POM121L12: variants seen among roughly 807,000 people sequenced by gnomAD.
The protein encoded by POM121L12 is POM121-like protein 12.
For synonymous variants in POM121L12, 251 were observed against 179.2 expected, an observed-to-expected ratio of 1.40 and a Z score of -3.20; for missense variants, 553 against 409.2, an observed-to-expected ratio of 1.35 and a Z score of -3.03.
Position 53,035,864 on chromosome 7 carries a change from T to G in POM121L12, c.193T>G (p.Tyr65Asp). The G allele has an allele frequency of 6.2e-7, 1 of 1,613,450 alleles. No individual in the cohort carries two copies. Among genetic ancestry groups the G allele is most frequent in the Non-Finnish European group, 8.5e-7 (1 of 1,179,796 alleles). ...LRSLTQSHIQYFQWGRPVPST... is the reference protein window; with the variant it reads ...LRSLTQSHIQDFQWGRPVPST... ...GTCCCTGACTCAGAGCCATATTCAG[T>G]ACTTCCAGTGGGGGCGCCCGGTGCC... The change falls in exon 1 of 1, where the codon TAC (tyrosine) becomes GAC (aspartate). Residue 65 changes from tyrosine (Y) to aspartate (D), a missense_variant. Coordinates refer to ENST00000408890, the MANE Select transcript of POM121L12 (RefSeq NM_182595.4).
In POM121L12 at chr7:53,036,349, T is replaced by C. The variant is rs1295809351; in HGVS notation, c.678T>C (p.Val226=). Residue 226 remains valine, a synonymous_variant, in exon 1 of 1, where the codon GTT becomes GTC. Coordinates refer to ENST00000408890, the MANE Select transcript of POM121L12 (RefSeq NM_182595.4). The part of the protein sequence containing the change: ...AFKPLSKNGA[V]ASFVPRPGPL... ...AGCCCCTGAGCAAAAATGGAGCGGT[T>C]GCTTCCTTCGTGCCCAGGCCAGGGC... 1 of 1,613,816 alleles carries C rather than the reference T, an allele frequency of 6.2e-7. No homozygotes were observed.
chr7:53,036,813 G>A lies in POM121L12; in HGVS notation c.*251G>A. On this transcript the variant is annotated 3_prime_UTR_variant, in exon 1 of 1. Coordinates refer to ENST00000408890, the MANE Select transcript of POM121L12 (RefSeq NM_182595.4). ...CTGCCCTTCTTCCTGCCCTTCCTCT[G>A]AAAAGAGGCATTTCGGGAAGGCTTG... is the stretch of plus-strand genomic sequence containing the variant. 1 of 473,872 alleles carries A rather than the reference G, an allele frequency of 2.1e-6. No homozygotes were observed. The highest frequency in any genetic ancestry group is 3.8e-6 in the Non-Finnish European group (1 of 261,208). The allele number at this position is 473,872 out of a possible 1,614,324, so 29.4% of individuals were successfully genotyped here. A position where few individuals can be genotyped will look rare whatever the true frequency, so the allele number is the denominator to read the frequency against.
Position 53,035,894 on chromosome 7 carries a change from A to G in POM121L12, c.223A>G (p.Thr75Ala), listed in dbSNP as rs1787539162. ...YFQWGRPVPS[T>A]HLIEVRPTQD... ...CCAGTGGGGGCGCCCGGTGCCCAGC[A>G]CCCACCTCATCGAGGTGCGGCCCAC... The change falls in exon 1 of 1, where the codon ACC (threonine) becomes GCC (alanine). Residue 75 changes from threonine (T) to alanine (A), a missense_variant. Physicochemically the swap from Thr to Ala is moderately conservative, Grantham distance 58. Coordinates refer to ENST00000408890, the MANE Select transcript of POM121L12 (RefSeq NM_182595.4). The G allele has an allele frequency of 6.2e-7, 1 of 1,612,910 alleles. No homozygotes were observed. The highest frequency in any genetic ancestry group is 8.5e-7 in the Non-Finnish European group (1 of 1,179,762).
At position 53,036,741 on chromosome 7, in the gene POM121L12, C is replaced by A. The variant is rs1024573707; in HGVS notation, c.*179C>A. 2 of 661,746 alleles carry A rather than the reference C, an allele frequency of 3.0e-6. No homozygotes were observed. Among genetic ancestry groups the A allele is most frequent in the Non-Finnish European group, 2.6e-6 (1 of 390,042 alleles). The allele number at this position is 661,746 out of a possible 1,614,324, so 41.0% of individuals were successfully genotyped here. A position where few individuals can be genotyped will look rare whatever the true frequency, so the allele number is the denominator to read the frequency against. The stretch of plus-strand genomic sequence containing the variant: ...TCTGTGCTCCCTGCCACCCCAGCAG[C>A]TGTTGATTTCAGAACCCTTGCCTTC... On this transcript the variant is annotated 3_prime_UTR_variant, in exon 1 of 1. Transcript: ENST00000408890.
At position 53,035,759 on chromosome 7, in the gene POM121L12, G is replaced by A; in HGVS notation, c.88G>A (p.Ala30Thr). The change falls in exon 1 of 1, where the codon GCG (alanine) becomes ACG (threonine). Residue 30 changes from alanine (A) to threonine (T), a missense_variant. Ala to Thr is a moderately conservative substitution (Grantham distance 58). Transcript: ENST00000408890. ...EPLLQGPDAL[A>T]APMSRSPSTP... ...CCTGCTGCAAGGCCCCGACGCCCTG[G>A]CGGCTCCCATGAGCAGGTCACCCAG... 1 of 1,613,716 alleles carries A rather than the reference G, an allele frequency of 6.2e-7. No homozygotes were observed. Among genetic ancestry groups the A allele is most frequent in the South Asian group, 1.1e-5 (1 of 91,076 alleles).
In POM121L12 at chr7:53,036,009, C is replaced by A. The variant is rs267601543; in HGVS notation, c.338C>A (p.Ser113Tyr). 1 of 1,613,174 alleles carries A rather than the reference C, an allele frequency of 6.2e-7. No individual in the cohort carries two copies. Among genetic ancestry groups the A allele is most frequent in the South Asian group, 1.1e-5 (1 of 91,086 alleles). Residue 113 changes from serine (S) to tyrosine (Y), a missense_variant, in exon 1 of 1, where the codon TCC (serine) becomes TAC (tyrosine). Ser to Tyr is a moderately radical substitution (Grantham distance 144). Coordinates refer to ENST00000408890, the MANE Select transcript of POM121L12 (RefSeq NM_182595.4). ...PGETALGRDL[S>Y]CAWEGCMKGG... ...GAGACCGCTCTGGGGCGAGACCTCT[C>A]CTGTGCCTGGGAGGGTTGCATGAAA...
Position 53,035,647 on chromosome 7 carries a change from C to A in POM121L12, c.-25C>A. 3.3e-6 allele frequency: 5 copies of A among 1,526,792 alleles called. No individual in the cohort carries two copies. The highest frequency in any genetic ancestry group is 4.4e-6 in the Non-Finnish European group (5 of 1,135,116). 94.6% of individuals were successfully genotyped at this position (1,526,792 alleles called of 1,614,324 possible). A position where few individuals can be genotyped will look rare whatever the true frequency, so the allele number is the denominator to read the frequency against. ...CCATGTCCTTCGTGCCTTCCAAGCG[C>A]CCAGAGGCCAACGGTCCCCCAGCCA... On this transcript the variant is annotated 5_prime_UTR_variant, in exon 1 of 1. Transcript: ENST00000408890.
Position 53,036,634 on chromosome 7 carries a change from C to T in POM121L12, c.*72C>T. ...CTACTTTCACTTGCTCATCCTTGCTCTACCTCAACGTGGGGCCCTGACACC... is the reference window on the plus strand; with the variant it reads ...CTACTTTCACTTGCTCATCCTTGCTTTACCTCAACGTGGGGCCCTGACACC... On this transcript the variant is annotated 3_prime_UTR_variant, in exon 1 of 1. Transcript: ENST00000408890. The T allele has an allele frequency of 6.7e-7, 1 of 1,498,534 alleles. No homozygotes were observed. The highest frequency in any genetic ancestry group is 1.3e-5 in the South Asian group (1 of 76,604). The allele number at this position is 1,498,534 out of a possible 1,614,324, so 92.8% of individuals were successfully genotyped here.
In POM121L12 at chr7:53,036,786, CCCTGCCCTTCTT is replaced by C. The variant is rs1443139781; in HGVS notation, c.*235_*246del. On this transcript the variant is annotated 3_prime_UTR_variant, in exon 1 of 1. Transcript: ENST00000408890. Reference sequence around the variant, plus strand: ...GCCTTCGCCCTGCTGGCCCTCTCCTCCCTGCCCTTCTTCCTGCCCTTCCTCTGAAAAGAGGCA... The same window carrying C: ...GCCTTCGCCCTGCTGGCCCTCTCCTCCCTGCCCTTCCTCTGAAAAGAGGCA... 4 of 522,524 alleles carry C rather than the reference CCCTGCCCTTCTT, an allele frequency of 7.7e-6. No homozygotes were observed. Among genetic ancestry groups the C allele is most frequent in the Non-Finnish European group, 1.4e-5 (4 of 290,342 alleles). 32.4% of individuals were successfully genotyped at this position (522,524 alleles called of 1,614,324 possible). A position where few individuals can be genotyped will look rare whatever the true frequency, so the allele number is the denominator to read the frequency against.
chr7:53,036,093 T>C lies in POM121L12; in HGVS notation c.422T>C (p.Ile141Thr). The C allele has an allele frequency of 6.2e-7, 1 of 1,612,296 alleles. No homozygotes were observed. Among genetic ancestry groups the C allele is most frequent in the South Asian group, 1.1e-5 (1 of 91,050 alleles). The change falls in exon 1 of 1, where the codon ATC becomes ACC. Residue 141 changes from isoleucine to threonine, a missense_variant. Coordinates refer to ENST00000408890, the MANE Select transcript of POM121L12 (RefSeq NM_182595.4). The stretch of plus-strand genomic sequence containing the variant: ...ACCTGGAGCCCGGTGACCATCGGGA[T>C]CGCGCCCCCTGAGCGTCAGGAGAGC... ...GRTWSPVTIG[I>T]APPERQESPW...
In POM121L12 at chr7:53,035,906, G is replaced by A. The variant is rs764722281; in HGVS notation, c.235G>A (p.Glu79Lys). The part of the protein sequence containing the change: ...GRPVPSTHLI[E>K]VRPTQDPAKP... ...CCCGGTGCCCAGCACCCACCTCATC[G>A]AGGTGCGGCCCACCCAGGACCCCGC... is the stretch of plus-strand genomic sequence containing the variant. Residue 79 changes from glutamate to lysine, a missense_variant, in exon 1 of 1, where the codon GAG becomes AAG. By Grantham distance (56) the Glu-to-Lys change is moderately conservative. Coordinates refer to ENST00000408890, the MANE Select transcript of POM121L12 (RefSeq NM_182595.4). 7 of 1,612,878 alleles carry A rather than the reference G, an allele frequency of 4.3e-6. No homozygotes were observed. Among genetic ancestry groups the A allele is most frequent in the African/African-American group, 2.7e-5 (2 of 74,896 alleles).
In POM121L12 at chr7:53,036,009, C is replaced by T. The variant is rs267601543; in HGVS notation, c.338C>T (p.Ser113Phe). The T allele has an allele frequency of 4.3e-6, 7 of 1,613,174 alleles. No individual in the cohort carries two copies. In the East Asian group the frequency reaches 6.7e-5, roughly 15 times the overall value. ...PGETALGRDLSCAWEGCMKGG... is the reference protein window; with the variant it reads ...PGETALGRDLFCAWEGCMKGG... Reference sequence around the variant, plus strand: ...GAGACCGCTCTGGGGCGAGACCTCTCCTGTGCCTGGGAGGGTTGCATGAAA... The same window carrying T: ...GAGACCGCTCTGGGGCGAGACCTCTTCTGTGCCTGGGAGGGTTGCATGAAA... Residue 113 changes from serine (S) to phenylalanine (F), a missense_variant, in exon 1 of 1, where the codon TCC becomes TTC. By Grantham distance (155) the Ser-to-Phe change is radical. Coordinates refer to ENST00000408890, the MANE Select transcript of POM121L12 (RefSeq NM_182595.4).
Position 53,035,702 on chromosome 7 carries a change from G to T in POM121L12, c.31G>T (p.Asp11Tyr). 1 of 1,604,762 alleles carries T rather than the reference G, an allele frequency of 6.2e-7. No individual in the cohort carries two copies. Reference protein sequence around the residue: MGAAAPAESADLGNFWKAGEP... With the variant: MGAAAPAESAYLGNFWKAGEP... ...CGCTGCAGCTCCGGCCGAGTCCGCA[G>T]ACCTCGGGAACTTCTGGAAGGCGGG... is the stretch of plus-strand genomic sequence containing the variant. The change falls in exon 1 of 1, where the codon GAC (aspartate) becomes TAC (tyrosine). Residue 11 changes from aspartate to tyrosine, a missense_variant. Coordinates refer to ENST00000408890, the MANE Select transcript of POM121L12 (RefSeq NM_182595.4).
rs1292363504 is a variant in POM121L12, at chr7:53,036,857, C to G, written c.*295C>G. On this transcript the variant is annotated 3_prime_UTR_variant, in exon 1 of 1. Transcript: ENST00000408890. ...AGGCTTGCTTTTTCTCCATGTCTCC[C>G]AGTTTGTATAGTTAAATTGTCCAGT... is the stretch of plus-strand genomic sequence containing the variant. The G allele has an allele frequency of 2.4e-6, 1 of 409,908 alleles. No individual in the cohort carries two copies. Among genetic ancestry groups the G allele is most frequent in the Admixed American group, 4.0e-5 (1 of 24,782 alleles). The allele number at this position is 409,908 out of a possible 1,614,324, so 25.4% of individuals were successfully genotyped here. A position where few individuals can be genotyped will look rare whatever the true frequency, so the allele number is the denominator to read the frequency against.
In POM121L12 at chr7:53,036,284, G is replaced by C. The variant is rs115225886; in HGVS notation, c.613G>C (p.Gly205Arg). 3 of 1,614,080 alleles carry C rather than the reference G, an allele frequency of 1.9e-6. No homozygotes were observed. Among genetic ancestry groups the C allele is most frequent in the Non-Finnish European group, 2.5e-6 (3 of 1,180,012 alleles). The change falls in exon 1 of 1, where the codon GGT becomes CGT. Residue 205 changes from glycine (G) to arginine (R), a missense_variant. Transcript: ENST00000408890. Reference sequence around the variant, plus strand: ...GTGGTTCGAGGTCTCAGACAGCAAGGGTGGCAGGCGGAACCTGCAGCCCCG... The same window carrying C: ...GTGGTTCGAGGTCTCAGACAGCAAGCGTGGCAGGCGGAACCTGCAGCCCCG... Reference protein sequence around the residue: ...PLWFEVSDSKGGRRNLQPRPS... With the variant: ...PLWFEVSDSKRGRRNLQPRPS...
Position 53,035,905 on chromosome 7 carries a change from C to T in POM121L12, c.234C>T (p.Ile78=), listed in dbSNP as rs775680595. 36 of 1,612,914 alleles carry T rather than the reference C, an allele frequency of 2.2e-5. No homozygotes were observed. Among genetic ancestry groups the T allele is most frequent in the South Asian group, 3.3e-5 (3 of 91,068 alleles). ...GCCCGGTGCCCAGCACCCACCTCAT[C>T]GAGGTGCGGCCCACCCAGGACCCCG... ...WGRPVPSTHL[I]EVRPTQDPAK... is the part of the protein sequence containing the mutation. The change falls in exon 1 of 1, where the codon ATC becomes ATT. Residue 78 remains isoleucine, a synonymous_variant. Coordinates refer to ENST00000408890, the MANE Select transcript of POM121L12 (RefSeq NM_182595.4).
rs772161893 is a variant in POM121L12, at chr7:53,036,209, G to C, written c.538G>C (p.Gly180Arg). ...CCCCTGCACCCGGGAGACTCTGCTGGGGGCGCTCAGCCAGTGCCCCAAGGG... is the reference window on the plus strand; with the variant it reads ...CCCCTGCACCCGGGAGACTCTGCTGCGGGCGCTCAGCCAGTGCCCCAAGGG... ...LDPCTRETLL[G>R]ALSQCPKGSA... Residue 180 changes from glycine to arginine, a missense_variant, in exon 1 of 1, where the codon GGG (glycine) becomes CGG (arginine). By Grantham distance (125) the Gly-to-Arg change is moderately radical. Coordinates refer to ENST00000408890, the MANE Select transcript of POM121L12 (RefSeq NM_182595.4). 4 of 1,613,008 alleles carry C rather than the reference G, an allele frequency of 2.5e-6. No individual in the cohort carries two copies. The highest frequency in any genetic ancestry group is 2.5e-6 in the Non-Finnish European group (3 of 1,179,790).
At position 53,036,151 on chromosome 7, in the gene POM121L12, C is replaced by G; in HGVS notation, c.480C>G (p.Pro160=). ...PWRSPGQRAR[P]AGRPAAQELL... ...GATCCCCTGGACAGAGAGCCCGCCC[C>G]GCAGGCCGCCCCGCCGCCCAGGAGC... The change falls in exon 1 of 1, where the codon CCC becomes CCG. Residue 160 remains proline, a synonymous_variant. Coordinates refer to ENST00000408890, the MANE Select transcript of POM121L12 (RefSeq NM_182595.4). The G allele has an allele frequency of 2.5e-6, 4 of 1,610,624 alleles. No individual in the cohort carries two copies. The highest frequency in any genetic ancestry group is 3.4e-6 in the Non-Finnish European group (4 of 1,179,346).
At chr7:53,035,738 C>CT in the POM121L12 span, 3 of 1,613,050 alleles carry the variant, frequency 1.9e-6, no homozygotes, top group Non-Finnish European at 1.7e-6. Context: ...AGAACCCCTG[C>CT]TGCAAGGCCC....
Sources: allele counts gnomAD v4.1 joint callset, GRCh38; gene constraint gnomAD v4.1.1; transcripts MANE v1.5; gene names NCBI Gene and HGNC (gene_info 2026-07-23, HGNC 2026-07-21).